The following AXDND1 variants were observed in gnomAD, a reference collection of about 807,000 sequenced individuals.
AXDND1 encodes the protein axonemal dynein light chain domain containing 1.
AXDND1 carries 110 observed loss-of-function variants against 137.5 expected under a neutral mutation model. The observed-to-expected ratio is 0.80, with a 90% CI of 0.69 to 0.94. AXDND1 has a LOEUF of 0.94. Among genes scored for constraint, AXDND1 ranks in the 40% least tolerant of loss-of-function variants. The probability of loss-of-function intolerance (pLI) is 0.00; values close to 1 mark genes in which losing one functional copy is unlikely to be tolerated. For synonymous variants in AXDND1, 414 were observed against 399.7 expected (o/e 1.04, Z -0.43); for missense variants, 1,191 against 1,169.8 (o/e 1.02, Z -0.26).
At chr1:179,462,436 G>T (rs1662479151) in intron 16 of AXDND1, among the ~76,000 whole-genome samples, 1 of 152,158 alleles carries the variant, frequency 6.6e-6, no homozygotes. Context: ...TGTGCTGCTG[G>T]ATTCGGTTTG....
chr1:179,528,208 T>A lies in AXDND1; in HGVS notation c.2611-119T>A, dbSNP rs1207205120. ...TCTTCAAAAATTCTTGTTGTGTGAT[T>A]AAAGGAAATGGAAAATGTAAGCTTC... On this transcript the variant is annotated intron_variant, in intron 22 of 25. Transcript: ENST00000367618. 3 of 670,584 alleles carry A rather than the reference T, an allele frequency of 4.5e-6. No individual in the cohort carries two copies. The South Asian group carries it at 5.9e-5, about 13-fold the overall frequency. 41.5% of individuals were successfully genotyped at this position (670,584 alleles called of 1,614,324 possible).
chr1:179,457,287 A>C, intron 16 of AXDND1: 1 of 659,004 alleles, frequency 1.5e-6, no homozygotes, highest in Non-Finnish European at 2.7e-6. Flanking sequence ...TCCAAGGAAG[A>C]GCTTCCTCAA....
At chr1:179,425,237 A>T (rs6656056) in intron 12 of AXDND1, among the ~76,000 whole-genome samples, 50,313 of 152,110 alleles carry the variant, frequency 0.33, 8,769 homozygotes, top group Middle Eastern at 0.43. Flanking sequence ...ATGGTGCTTT[A>T]AACCCAGGTT....
chr1:179,522,649 TTA>T (rs1007153615), intron 21 of AXDND1, among the ~76,000 whole-genome samples: 2 of 151,748 alleles, frequency 1.3e-5, no homozygotes, highest in African/African-American at 4.8e-5. Context: ...ATAAGATATA[TTA>T]TCTCATTTAT....
At chr1:179,483,090 C>T (rs1321661207) in intron 17 of AXDND1, 38 bp from the exon 18 acceptor site, 2 of 1,356,116 alleles carry the variant, frequency 1.5e-6, no homozygotes, top group African/African-American at 1.5e-5. Flanking sequence ...TCCTTTAAAT[C>T]AGCCAGTCAC....
At chr1:179,529,524 G>A (rs1011926795) in intron 23 of AXDND1, among the ~76,000 whole-genome samples, 2 of 152,230 alleles carry the variant, frequency 1.3e-5, no homozygotes, top group Admixed American at 6.5e-5. Flanking sequence ...TACAGACTGA[G>A]TATGGCTAGA....
chr1:179,498,327 G>T (rs1311385555), intron 20 of AXDND1, among the ~76,000 whole-genome samples: 1 of 152,016 alleles, frequency 6.6e-6, no homozygotes, highest in Non-Finnish European at 1.5e-5. Context: ...GAACATAATA[G>T]AAAACTTAGA....
At chr1:179,395,967 G>C (rs1187012952) in intron 11 of AXDND1, among the ~76,000 whole-genome samples, 1 of 151,996 alleles carries the variant, frequency 6.6e-6, no homozygotes, top group African/African-American at 2.4e-5. Flanking sequence ...TTGAGAGTTT[G>C]AGACTAGCCT....
chr1:179,405,766 T>C (rs1652865057), intron 11 of AXDND1, among the ~76,000 whole-genome samples: 1 of 152,078 alleles, frequency 6.6e-6, no homozygotes, highest in Admixed American at 6.5e-5. Flanking sequence ...TCTTTTTTTC[T>C]TGGGTAGTCT....
intron 21 of AXDND1, among the ~76,000 whole-genome samples, chr1:179,521,191 C>G (rs1184047012): frequency 6.6e-6 from 1 of 151,844 alleles, no homozygotes; most frequent in Non-Finnish European, 1.5e-5. Context: ...TTCCTGGGCT[C>G]AAGTGATCCT....
chr1:179,550,468 G>A (rs1467892303), intron 25 of AXDND1: 1 of 152,218 alleles, frequency 6.6e-6, no homozygotes. Flanking sequence ...CAGATTTTAA[G>A]CCACATGTGT....
chr1:179,435,570 A>G (rs1447332152), intron 15 of AXDND1, among the ~76,000 whole-genome samples: 2 of 152,198 alleles, frequency 1.3e-5, no homozygotes, highest in African/African-American at 2.4e-5. Context: ...TATTTGACCA[A>G]CCTGACAAAA....
intron 16 of AXDND1, chr1:179,456,352 C>T (rs1420600911): frequency 6.5e-6 from 5 of 772,710 alleles, no homozygotes; most frequent in African/African-American, 1.7e-5. Context: ...AAGTTTCCTC[C>T]CTTCGTGGGT....
chr1:179,378,618 T>C lies in AXDND1; in HGVS notation c.375-19T>C, dbSNP rs1467881171. 9.0e-6 allele frequency: 14 copies of C among 1,554,296 alleles called. No homozygotes were observed. Among genetic ancestry groups the C allele is most frequent in the Non-Finnish European group, 1.2e-5 (14 of 1,142,640 alleles). ...AGATAGAAAATTTGTTTTGTAAATA[T>C]ATTTTTCTTACTTTTTAGGGATATT... On this transcript the variant is annotated intron_variant, in intron 4 of 25. Coordinates refer to ENST00000367618, the MANE Select transcript of AXDND1 (RefSeq NM_144696.6).
chr1:179,514,660 G>T (rs61827667), intron 21 of AXDND1, among the ~76,000 whole-genome samples: 20,947 of 151,966 alleles, frequency 0.14, 1,584 homozygotes, highest in East Asian at 0.35. Flanking sequence ...GCTGTCAGTG[G>T]AGTATTGAAG....
At chr1:179,390,700 C>G (rs921894564) in intron 9 of AXDND1, among the ~76,000 whole-genome samples, 1 of 151,474 alleles carries the variant, frequency 6.6e-6, no homozygotes, top group Non-Finnish European at 1.5e-5. Flanking sequence ...CAATTTTCTA[C>G]AATTGTTCAC....
chr1:179,366,614 T>TC lies in AXDND1; in HGVS notation c.97+9dup, dbSNP rs754052252. The TC allele has an allele frequency of 6.3e-7, 1 of 1,595,492 alleles. No homozygotes were observed. Among genetic ancestry groups the TC allele is most frequent in the Non-Finnish European group, 8.6e-7 (1 of 1,163,240 alleles). On this transcript the variant is annotated intron_variant, in intron 2 of 25. Coordinates refer to ENST00000367618, the MANE Select transcript of AXDND1 (RefSeq NM_144696.6). ...CCAAGGAAGGGACAAGAGGTAAACT[T>TC]CGTTGATTCTGAAGTCATAAACAGT...
chr1:179,388,077 A>G (rs1407602567), intron 9 of AXDND1, among the ~76,000 whole-genome samples: 1 of 152,154 alleles, frequency 6.6e-6, no homozygotes, highest in Non-Finnish European at 1.5e-5. Flanking sequence ...TCAGTGTGCT[A>G]TGGCCTGGAA....
chr1:179,495,936 G>A, intron 20 of AXDND1, among the ~76,000 whole-genome samples: 1 of 132,790 alleles, frequency 7.5e-6, no homozygotes, highest in African/African-American at 2.8e-5. Flanking sequence ...GATGTTGGAT[G>A]TTATCAAATC....
Sources: gnomAD v4.1 joint callset for allele counts (sites outside exome capture counted in the v4.1 genomes callset) on GRCh38, gnomAD v4.1.1 for gene constraint, MANE v1.5 for transcripts, NCBI Gene and HGNC (gene_info 2026-07-23, HGNC 2026-07-21) for gene names.